ACSL3: variants seen among roughly 807,000 people sequenced by gnomAD.
ACSL3 encodes the protein fatty acid CoA ligase Acsl3.
A neutral mutation model predicts 84.7 loss-of-function variants in ACSL3; 34 were observed. That is an observed-to-expected ratio of 0.40 (90% CI 0.31 to 0.53). The LOEUF is 0.53. Ranked by LOEUF, ACSL3 falls within the 20% of genes least tolerant of loss-of-function variation. The probability of loss-of-function intolerance (pLI) is 0.48; values close to 1 mark genes in which losing one functional copy is unlikely to be tolerated. For synonymous variants in ACSL3, 315 were observed against 299.4 expected (o/e 1.05, Z -0.54); for missense variants, 680 against 873.1 (o/e 0.78, Z 2.79).
intron 2 of ACSL3, among the ~76,000 whole-genome samples, chr2:222,898,573 A>G (rs542027863): frequency 6.6e-6 from 1 of 152,158 alleles, no homozygotes; most frequent in Non-Finnish European, 1.5e-5. Flanking sequence ...TTTAAGAAAC[A>G]TTGCACTTTG....
chr2:222,888,058 A>T (rs1390156982), intron 2 of ACSL3, among the ~76,000 whole-genome samples, 170 bp downstream of exon 2: 1 of 152,206 alleles, frequency 6.6e-6, no homozygotes, highest in Non-Finnish European at 1.5e-5. Flanking sequence ...ATCAATTGGG[A>T]CATTAAACCA....
At position 222,922,689 on chromosome 2, in the gene ACSL3, C is replaced by T. The variant is rs745873011; in HGVS notation, c.957-19C>T. 124 of 1,613,078 alleles carry T rather than the reference C, an allele frequency of 7.7e-5. No homozygotes were observed. The highest frequency in any genetic ancestry group is 1.0e-4 in the Non-Finnish European group (118 of 1,179,636). ...GACGACACCTGACTTTTGTTTCTGACGTCTCCCTTTTCTTTTAGAGAGGAA... is the reference window on the plus strand; with the variant it reads ...GACGACACCTGACTTTTGTTTCTGATGTCTCCCTTTTCTTTTAGAGAGGAA... On this transcript the variant is annotated intron_variant, in intron 8 of 16. Coordinates refer to ENST00000357430, the MANE Select transcript of ACSL3 (RefSeq NM_004457.5).
At position 222,939,620 on chromosome 2, in the gene ACSL3, G is replaced by A. The variant is rs74340956; in HGVS notation, c.2006-1877G>A. On this transcript the variant is annotated intron_variant, in intron 16 of 16. Transcript: ENST00000357430. The stretch of plus-strand genomic sequence containing the variant: ...TTGGATGTGTGTTCCACTCCTCTTA[G>A]GGATTTCTTCCCTATTACTTTGTAC... Among the ~76,000 whole-genome samples, 217 of 152,250 alleles carry A rather than the reference G, an allele frequency of 1.4e-3. 7 individuals are homozygous for A. In the East Asian group the frequency reaches 0.038, roughly 27 times the overall value.
At position 222,943,503 on chromosome 2, in the gene ACSL3, G is replaced by A. The variant is rs1329332005; in HGVS notation, c.*1849G>A. 3 of 166,192 alleles carry A rather than the reference G, an allele frequency of 1.8e-5. No individual in the cohort carries two copies. Among genetic ancestry groups the A allele is most frequent in the Non-Finnish European group, 3.9e-5 (3 of 76,380 alleles). The allele number at this position is 166,192 out of a possible 1,614,324, so 10.3% of individuals were successfully genotyped here. On this transcript the variant is annotated 3_prime_UTR_variant, in exon 17 of 17. Transcript: ENST00000357430. ...AAAAAAGTGTGAATGCTTCAAAGGAGAGATACTGATAATTGTGACTTGAAA... is the reference window on the plus strand; with the variant it reads ...AAAAAAGTGTGAATGCTTCAAAGGAAAGATACTGATAATTGTGACTTGAAA...
intron 16 of ACSL3, among the ~76,000 whole-genome samples, chr2:222,938,105 C>T (rs891807656): frequency 1.3e-5 from 2 of 151,994 alleles, no homozygotes; most frequent in Non-Finnish European, 2.9e-5. Flanking sequence ...CAAAAAAGAC[C>T]TTTTTATTGT....
At chr2:222,901,685 G>A (rs1574539571) in intron 3 of ACSL3, among the ~76,000 whole-genome samples, 2 of 152,196 alleles carry the variant, frequency 1.3e-5, no homozygotes, top group South Asian at 2.1e-4. Flanking sequence ...GGTGGCCCAC[G>A]CCTGTAATCC....
chr2:222,892,294 G>A (rs1006525557), intron 2 of ACSL3, among the ~76,000 whole-genome samples: 2 of 152,164 alleles, frequency 1.3e-5, no homozygotes, highest in African/African-American at 2.4e-5. Context: ...GAGGCAGCAG[G>A]ATATATAGTA....
chr2:222,932,961 AG>A, intron 14 of ACSL3: 2 of 338,766 alleles, frequency 5.9e-6, no homozygotes, highest in Non-Finnish European at 1.1e-5. Flanking sequence ...AAAAAAAAAA[AG>A]CATGTATTTA....
At chr2:222,880,845 A>C (rs893176740) in intron 1 of ACSL3, among the ~76,000 whole-genome samples, 1 of 151,102 alleles carries the variant, frequency 6.6e-6, no homozygotes, top group South Asian at 2.1e-4. Context: ...AAAAAAAAAA[A>C]CAAAAAAAAA....
chr2:222,873,164 A>T (rs918695056), intron 1 of ACSL3, among the ~76,000 whole-genome samples: 9 of 152,166 alleles, frequency 5.9e-5, no homozygotes, highest in Non-Finnish European at 1.3e-4. Flanking sequence ...TTATGATTTG[A>T]ATTTTATGAT....
Position 222,933,215 on chromosome 2 carries a change from T to C in ACSL3, c.1782T>C (p.Leu594=). The C allele has an allele frequency of 6.2e-7, 1 of 1,614,018 alleles. No individual in the cohort carries two copies. ...VKLQAGEYVS[L]GKVEAALKNL... Reference sequence around the variant, plus strand: ...TACAGGCAGGGGAATATGTTTCTCTTGGGAAAGTAGAGGCAGCTTTGAAGA... The same window carrying C: ...TACAGGCAGGGGAATATGTTTCTCTCGGGAAAGTAGAGGCAGCTTTGAAGA... Residue 594 remains leucine (L), a synonymous_variant, in exon 15 of 17, where the codon CTT becomes CTC. Transcript: ENST00000357430.
intron 2 of ACSL3, among the ~76,000 whole-genome samples, chr2:222,889,013 T>C (rs905319925): frequency 3.3e-5 from 5 of 152,168 alleles, no homozygotes; most frequent in Admixed American, 6.5e-5. Context: ...AGTTAATGGG[T>C]TATGGGAACT....
intron 1 of ACSL3, among the ~76,000 whole-genome samples, chr2:222,863,888 T>C (rs1695074162): frequency 6.6e-6 from 1 of 152,182 alleles, no homozygotes; most frequent in Non-Finnish European, 1.5e-5. Context: ...AGGGGTACCA[T>C]GTGGCATAAA....
At chr2:222,878,372 GA>G (rs2106091085) in intron 1 of ACSL3, among the ~76,000 whole-genome samples, 1 of 152,284 alleles carries the variant, frequency 6.6e-6, no homozygotes, top group Non-Finnish European at 1.5e-5. Context: ...GTGAAGGCAG[GA>G]AAGCGATGGA....
chr2:222,916,141 A>G (rs1696575313), intron 4 of ACSL3, among the ~76,000 whole-genome samples, 178 bp from the exon 5 acceptor site: 1 of 152,200 alleles, frequency 6.6e-6, no homozygotes, highest in African/African-American at 2.4e-5. Flanking sequence ...AGATGTCACA[A>G]AATAGCTAAT....
intron 1 of ACSL3, among the ~76,000 whole-genome samples, chr2:222,886,129 A>G (rs1046034600): frequency 7.5e-5 from 11 of 146,966 alleles, no homozygotes; most frequent in African/African-American, 2.8e-4. Context: ...ACGTAGGTAC[A>G]CACGTGGCAT....
chr2:222,936,398 T>C (rs1421386582), intron 16 of ACSL3, among the ~76,000 whole-genome samples: 1 of 152,192 alleles, frequency 6.6e-6, no homozygotes, highest in Non-Finnish European at 1.5e-5. Context: ...GGTTTCCATT[T>C]CTCCACATCC....
intron 13 of ACSL3, among the ~76,000 whole-genome samples, chr2:222,929,806 A>G (rs1696975361): frequency 1.3e-5 from 2 of 152,156 alleles, no homozygotes; most frequent in Non-Finnish European, 2.9e-5. Flanking sequence ...GAAAGATTCT[A>G]AGGCTTGGAT....
rs554864113 is a variant in ACSL3 at position 222,923,321 on chromosome 2, T to C, written c.1152+172T>C. Among the ~76,000 whole-genome samples, 6 of 152,376 alleles carry C rather than the reference T, an allele frequency of 3.9e-5. No homozygotes were observed. In the East Asian group the frequency reaches 1.2e-3, roughly 29 times the overall value. On this transcript the variant is annotated intron_variant, in intron 10 of 16. Coordinates refer to ENST00000357430, the MANE Select transcript of ACSL3 (RefSeq NM_004457.5). ...GGGATTTCTTCAGTCTTGTTTTAGC[T>C]TGCTTTCTTATTTACTAAGCACTCA...
Sources: allele counts gnomAD v4.1 joint callset (sites outside exome capture counted in the v4.1 genomes callset), GRCh38; gene constraint gnomAD v4.1.1; transcripts MANE v1.5; gene names NCBI Gene and HGNC (gene_info 2026-07-23, HGNC 2026-07-21).